Variants in RALYL observed in about 807,000 individuals in gnomAD.
RALYL encodes the protein RALY RNA binding protein like, also known as RNA-binding Raly-like protein.
In RALYL, 29 loss-of-function variants were observed where a neutral mutation model predicts 35.1. That is an observed-to-expected ratio of 0.83 (90% CI 0.61 to 1.13). The LOEUF (loss-of-function observed/expected upper bound fraction) is 1.13, where lower values mean the gene tolerates loss of function less well. Among genes scored for constraint, RALYL ranks in the 50% most tolerant of loss-of-function variants. RALYL has a pLI of 0.00. For synonymous variants in RALYL, 120 were observed against 127.6 expected, an observed-to-expected ratio of 0.94 and a Z score of 0.40; for missense variants, 359 against 360.4, an observed-to-expected ratio of 1.00 and a Z score of 0.03.
At chr8:84,200,741 T>C (rs1816647402) in intron 1 of RALYL, among the ~76,000 whole-genome samples, 1 of 152,100 alleles carries the variant, frequency 6.6e-6, no homozygotes, top group African/African-American at 2.4e-5. Flanking sequence ...AGTTTGTGAG[T>C]GTAAAATTAA....
At chr8:84,830,392 G>A (rs1181392097) in intron 4 of RALYL, among the ~76,000 whole-genome samples, 1 of 152,008 alleles carries the variant, frequency 6.6e-6, no homozygotes, top group Non-Finnish European at 1.5e-5. Flanking sequence ...AGAAAAAATG[G>A]GGGGTGGGGG....
chr8:84,530,994 C>T (rs2059242639), intron 2 of RALYL, among the ~76,000 whole-genome samples: 1 of 152,100 alleles, frequency 6.6e-6, no homozygotes, highest in South Asian at 2.1e-4. Context: ...TAAAAATTTA[C>T]CTCCAGTGAG....
chr8:84,724,017 T>A (rs542885773), intron 2 of RALYL, among the ~76,000 whole-genome samples: 50 of 151,954 alleles, frequency 3.3e-4, no homozygotes, highest in African/African-American at 1.1e-3. Context: ...TCTCAGTGAG[T>A]ATTTGATGAA....
At chr8:84,859,807 T>A (rs1837768752) in intron 5 of RALYL, among the ~76,000 whole-genome samples, 1 of 152,060 alleles carries the variant, frequency 6.6e-6, no homozygotes, top group Non-Finnish European at 1.5e-5. Flanking sequence ...GTCACACCAC[T>A]GGTCTCCAGC....
At chr8:84,755,873 T>TA (rs200896745) in intron 2 of RALYL, among the ~76,000 whole-genome samples, 2,894 of 145,292 alleles carry the variant, frequency 0.02, 87 homozygotes, top group East Asian at 0.12. Context: ...TGGCATATTG[T>TA]AAAAAAAAAA....
intron 1 of RALYL, among the ~76,000 whole-genome samples, chr8:84,220,155 T>C (rs546496970): frequency 6.5e-4 from 99 of 152,162 alleles, no homozygotes; most frequent in African/African-American, 2.1e-3. Context: ...TAGTGCTCAC[T>C]CCTCTCTTTA....
chr8:84,284,453 A>C (rs1837223797), intron 1 of RALYL, among the ~76,000 whole-genome samples: 3 of 152,204 alleles, frequency 2.0e-5, no homozygotes, highest in Non-Finnish European at 4.4e-5. Context: ...TGTTTTGTTA[A>C]ACAAACTAGC....
chr8:84,539,188 C>G (rs1187325040), intron 2 of RALYL, among the ~76,000 whole-genome samples: 2 of 152,122 alleles, frequency 1.3e-5, no homozygotes, highest in Admixed American at 1.3e-4. Context: ...ACTAAAGGAG[C>G]AGCTGCTGTT....
At chr8:84,414,226 C>T (rs945808578) in intron 1 of RALYL, among the ~76,000 whole-genome samples, 1 of 152,086 alleles carries the variant, frequency 6.6e-6, no homozygotes, top group Non-Finnish European at 1.5e-5. Flanking sequence ...ATTACTCTAT[C>T]AATAATTATT....
intron 2 of RALYL, among the ~76,000 whole-genome samples, chr8:84,705,185 T>C (rs1429859934): frequency 1.3e-5 from 2 of 152,188 alleles, no homozygotes; most frequent in East Asian, 1.9e-4. Flanking sequence ...GTACAAGCTA[T>C]AATGAAGGCA....
chr8:84,699,462 G>T (rs1839810248), intron 2 of RALYL, among the ~76,000 whole-genome samples: 1 of 152,098 alleles, frequency 6.6e-6, no homozygotes, highest in Non-Finnish European at 1.5e-5. Flanking sequence ...AGATCAAAGT[G>T]CTGGCAGATT....
chr8:84,291,836 G>A (rs1176204488), intron 1 of RALYL, among the ~76,000 whole-genome samples: 1 of 151,228 alleles, frequency 6.6e-6, no homozygotes, highest in Non-Finnish European at 1.5e-5. Flanking sequence ...CTGATAAACT[G>A]TTAGTGAAGA....
chr8:84,599,517 T>A (rs1439124218), intron 2 of RALYL, among the ~76,000 whole-genome samples: 1 of 152,002 alleles, frequency 6.6e-6, no homozygotes, highest in Admixed American at 6.6e-5. Flanking sequence ...AGCAAACATA[T>A]CACTAATTAA....
At chr8:84,757,431 AC>A in intron 2 of RALYL, among the ~76,000 whole-genome samples, 2 of 152,258 alleles carry the variant, frequency 1.3e-5, no homozygotes, top group South Asian at 4.1e-4. Flanking sequence ...TTGGGAAAAA[AC>A]TGCCGATGTG....
At chr8:84,492,435 T>A (rs2055434823) in intron 1 of RALYL, among the ~76,000 whole-genome samples, 1 of 152,116 alleles carries the variant, frequency 6.6e-6, no homozygotes, top group African/African-American at 2.4e-5. Context: ...AAGATCTCAA[T>A]AAATCTTCCC....
chr8:84,538,831 G>A (rs1248491243), intron 2 of RALYL, among the ~76,000 whole-genome samples: 2 of 152,070 alleles, frequency 1.3e-5, no homozygotes. Context: ...ATAGGAAGTG[G>A]GAAACTCAAG....
intron 1 of RALYL, among the ~76,000 whole-genome samples, chr8:84,518,591 A>T (rs2058234074): frequency 6.6e-6 from 1 of 152,218 alleles, no homozygotes; most frequent in Non-Finnish European, 1.5e-5. Context: ...TTTGCTGCCT[A>T]ATGCAACTCC....
chr8:84,735,159 G>A (rs534173708), intron 2 of RALYL, among the ~76,000 whole-genome samples: 16 of 151,606 alleles, frequency 1.1e-4, no homozygotes, highest in South Asian at 4.2e-4. Flanking sequence ...GTACCAAGCC[G>A]AATACCCCAA....
chr8:84,729,804 G>A (rs545496890), intron 2 of RALYL, among the ~76,000 whole-genome samples: 1 of 152,026 alleles, frequency 6.6e-6, no homozygotes, highest in Admixed American at 6.6e-5. Context: ...TAAATTCCTC[G>A]ACATATACAC....
Sources: allele counts gnomAD v4.1 joint callset (sites outside exome capture counted in the v4.1 genomes callset), GRCh38; gene constraint gnomAD v4.1.1; transcripts MANE v1.5; gene names NCBI Gene and HGNC (gene_info 2026-07-23, HGNC 2026-07-21).